Variants in CDH18 observed in about 807,000 individuals in gnomAD.
CDH18 encodes the protein cadherin 18.
In CDH18, 31 loss-of-function variants were observed where a neutral mutation model predicts 67.9. That is an observed-to-expected ratio of 0.46 (90% confidence interval 0.34 to 0.62). CDH18 has a LOEUF of 0.62. CDH18 is among the 20% of genes least tolerant of loss of function. The pLI is 0.01. For synonymous variants in CDH18, 362 were observed against 347.2 expected (o/e 1.04, Z -0.48); for missense variants, 890 against 975.5 (o/e 0.91, Z 1.17).
chr5:20,466,036 C>T (rs773066058), intron 1 of CDH18, among the ~76,000 whole-genome samples: 1 of 151,918 alleles, frequency 6.6e-6, no homozygotes, highest in Non-Finnish European at 1.5e-5. Flanking sequence ...GGTAAGAATG[C>T]AGTGGTTTCA....
chr5:20,488,907 T>C (rs1753397909), intron 1 of CDH18, among the ~76,000 whole-genome samples: 1 of 151,976 alleles, frequency 6.6e-6, no homozygotes, highest in Non-Finnish European at 1.5e-5. Context: ...AATTTTCATA[T>C]ATTAATTGTG....
intron 1 of CDH18, among the ~76,000 whole-genome samples, chr5:20,352,059 AT>A (rs1272391419): frequency 6.6e-6 from 1 of 152,186 alleles, no homozygotes; most frequent in Admixed American, 6.5e-5. Flanking sequence ...TCAGCAAAAA[AT>A]CTGCATCAAT....
At chr5:19,903,969 A>C (rs998519654) in intron 2 of CDH18, among the ~76,000 whole-genome samples, 2 of 151,968 alleles carry the variant, frequency 1.3e-5, no homozygotes, top group African/African-American at 4.8e-5. Flanking sequence ...ATAAACTAAC[A>C]GCGTATACGA....
chr5:19,790,628 G>T (rs1192913129), intron 3 of CDH18, among the ~76,000 whole-genome samples: 1 of 152,044 alleles, frequency 6.6e-6, no homozygotes, highest in Non-Finnish European at 1.5e-5. Flanking sequence ...TCTGTGTTGA[G>T]GATTTGGAGT....
intron 1 of CDH18, among the ~76,000 whole-genome samples, chr5:20,303,573 G>T (rs1580707050): frequency 6.6e-6 from 1 of 152,132 alleles, no homozygotes; most frequent in East Asian, 1.9e-4. Flanking sequence ...GTCGCAGCCC[G>T]GTTCATTTGG....
At chr5:19,762,733 T>C (rs1313123921) in intron 3 of CDH18, among the ~76,000 whole-genome samples, 1 of 152,106 alleles carries the variant, frequency 6.6e-6, no homozygotes, top group Admixed American at 6.5e-5. Context: ...CATGACCCAG[T>C]GATCCCATTA....
chr5:20,028,269 T>A (rs1472318560), intron 2 of CDH18, among the ~76,000 whole-genome samples: 1 of 152,180 alleles, frequency 6.6e-6, no homozygotes, highest in Non-Finnish European at 1.5e-5. Context: ...TTCTCCTATA[T>A]GAAAACATTA....
intron 1 of CDH18, among the ~76,000 whole-genome samples, chr5:20,351,160 T>TTGTG (rs375375615): frequency 0.019 from 2,519 of 132,104 alleles, 47 homozygotes; most frequent in South Asian, 0.042. Context: ...GTAAATGTAT[T>TTGTG]TGTGTGTGTG....
chr5:19,938,778 T>C (rs1794535350), intron 2 of CDH18, among the ~76,000 whole-genome samples: 1 of 151,518 alleles, frequency 6.6e-6, no homozygotes, highest in Non-Finnish European at 1.5e-5. Flanking sequence ...TATACAGACA[T>C]GTTCTCATTT....
At position 19,970,940 on chromosome 5, in the gene CDH18, C is replaced by T. The variant is rs143205254; in HGVS notation, c.-257+10120G>A. ...TATCTCCATTGGAGACGGAGTGATG[C>T]TATTTTACAAGAAAACAAAATACAT... On this transcript the variant is annotated intron_variant, in intron 2 of 12. Transcript: ENST00000382275. Among the ~76,000 whole-genome samples the T allele has an allele frequency of 6.3e-3, 955 of 151,876 alleles. 2 individuals carry two copies. Among genetic ancestry groups the T allele is most frequent in the Non-Finnish European group, 0.011 (763 of 67,828 alleles).
intron 11 of CDH18, among the ~76,000 whole-genome samples, chr5:19,490,402 T>G (rs1246062128): frequency 0.21 from 21,618 of 105,010 alleles, 3,342 homozygotes; most frequent in South Asian, 0.32. Flanking sequence ...CTGTTTTTTT[T>G]TTTTTTTTTT....
chr5:20,361,579 C>G (rs1742091238), intron 1 of CDH18, among the ~76,000 whole-genome samples: 1 of 152,034 alleles, frequency 6.6e-6, no homozygotes, highest in African/African-American at 2.4e-5. Flanking sequence ...CCTTGCATTT[C>G]TTACACTAAA....
At chr5:20,319,757 A>G (rs1737823439) in intron 1 of CDH18, among the ~76,000 whole-genome samples, 1 of 152,140 alleles carries the variant, frequency 6.6e-6, no homozygotes, top group African/African-American at 2.4e-5. Context: ...AAAATTGCAC[A>G]TCCAATTTTA....
intron 2 of CDH18, among the ~76,000 whole-genome samples, chr5:19,918,808 C>G (rs1041917337): frequency 6.6e-6 from 1 of 152,022 alleles, no homozygotes; most frequent in Non-Finnish European, 1.5e-5. Flanking sequence ...TTCTAAAACT[C>G]TTGGAATTTC....
intron 1 of CDH18, among the ~76,000 whole-genome samples, chr5:20,535,791 T>C (rs1401557212): frequency 6.6e-6 from 1 of 152,086 alleles, no homozygotes; most frequent in Non-Finnish European, 1.5e-5. Context: ...CAGATGAGAG[T>C]TCACAGCACC....
chr5:19,546,651 C>T (rs1208414583), intron 8 of CDH18, among the ~76,000 whole-genome samples: 1 of 152,148 alleles, frequency 6.6e-6, no homozygotes, highest in Non-Finnish European at 1.5e-5. Context: ...CAACCCCATG[C>T]CTCTCATAGG....
chr5:20,464,189 A>G (rs1751473972), intron 1 of CDH18, among the ~76,000 whole-genome samples: 1 of 152,200 alleles, frequency 6.6e-6, no homozygotes. Flanking sequence ...AGATATTGAC[A>G]AACCAATCAA....
chr5:20,483,249 T>C (rs1440742851), intron 1 of CDH18, among the ~76,000 whole-genome samples: 2 of 151,880 alleles, frequency 1.3e-5, no homozygotes, highest in South Asian at 4.1e-4. Flanking sequence ...CTACAAAACA[T>C]TGATGCCAGA....
At chr5:20,491,339 T>C (rs1581101063) in intron 1 of CDH18, among the ~76,000 whole-genome samples, 1 of 152,194 alleles carries the variant, frequency 6.6e-6, no homozygotes. Context: ...TGATCGTAAG[T>C]TTAGTAATTC....
Sources: gnomAD v4.1 joint callset for allele counts (sites outside exome capture counted in the v4.1 genomes callset) on GRCh38, gnomAD v4.1.1 for gene constraint, MANE v1.5 for transcripts, NCBI Gene and HGNC (gene_info 2026-07-23, HGNC 2026-07-21) for gene names.